The following ZNF343 variants were observed in gnomAD, a reference collection of about 807,000 sequenced individuals.
ZNF343 encodes zinc finger protein 343.
Under a neutral mutation model 13.8 loss-of-function variants are expected in ZNF343, and 11 were observed. The ratio of observed to expected loss-of-function variants is 0.80; its 90% CI spans 0.50 to 1.32. ZNF343 has a LOEUF of 1.32. ZNF343 is among the 40% of genes most tolerant of loss of function. The pLI, the probability that ZNF343 is intolerant of heterozygous loss-of-function variation, is 0.00. For synonymous variants in ZNF343, 248 were observed against 260.0 expected, an observed-to-expected ratio of 0.95 and a Z score of 0.44; for missense variants, 658 against 714.2, an observed-to-expected ratio of 0.92 and a Z score of 0.90.
intron 1 of ZNF343, among the ~76,000 whole-genome samples, chr20:2,502,273 A>C (rs1206392055): frequency 6.6e-6 from 1 of 152,228 alleles, no homozygotes; most frequent in Non-Finnish European, 1.5e-5. Context: ...AAAAGAATAA[A>C]AAGAAACAAA....
chr20:2,517,997 A>G (rs1600084123), intron 1 of ZNF343, among the ~76,000 whole-genome samples: 1 of 149,366 alleles, frequency 6.7e-6, no homozygotes. Context: ...TCAAAGGTTT[A>G]TTTTTTTTTC....
At position 2,484,514 on chromosome 20, in the gene ZNF343, C is replaced by T. The variant is rs1368921432; in HGVS notation, c.447G>A (p.Gly149=). The part of the protein sequence containing the change: ...NHFHPGNSSP[G]HWKQQGQQYS... ...ACTGCTGCCCCTGCTGTTTCCAATG[C>T]CCTGGGCTAGAATTCCCTGGATGGA... Residue 149 remains glycine (G), a synonymous_variant, in exon 6 of 6, where the codon GGG becomes GGA. Coordinates refer to ENST00000278772, the MANE Select transcript of ZNF343 (RefSeq NM_024325.6). 6.2e-7 allele frequency: 1 copy of T among 1,614,230 alleles called. No individual in the cohort carries two copies. The highest frequency in any genetic ancestry group is 1.7e-5 in the Admixed American group (1 of 60,026).
chr20:2,499,232 G>A (rs12481668), intron 2 of ZNF343, among the ~76,000 whole-genome samples: 34,698 of 145,066 alleles, frequency 0.24, 5,089 homozygotes, highest in Non-Finnish European at 0.33. Context: ...TTGGGAGGCC[G>A]AGGTGGGCGG....
chr20:2,522,218 C>T (rs2085785653), intron 1 of ZNF343, among the ~76,000 whole-genome samples: 1 of 152,154 alleles, frequency 6.6e-6, no homozygotes, highest in Non-Finnish European at 1.5e-5. Context: ...TACATGGAGT[C>T]TAATTCCACA....
intron 5 of ZNF343, 97 bp downstream of exon 5, chr20:2,492,602 G>A: frequency 7.0e-7 from 1 of 1,438,722 alleles, no homozygotes; most frequent in Middle Eastern, 1.8e-4. Context: ...GTTTACTAAT[G>A]TGTTGTAAGT....
At chr20:2,516,160 G>A (rs1327574614) in intron 1 of ZNF343, among the ~76,000 whole-genome samples, 1 of 152,054 alleles carries the variant, frequency 6.6e-6, no homozygotes, top group Non-Finnish European at 1.5e-5. Flanking sequence ...GTTCAGGTCG[G>A]AATCAAGGTG....
intron 1 of ZNF343, among the ~76,000 whole-genome samples, chr20:2,517,248 T>C (rs1477339878): frequency 6.6e-6 from 1 of 152,014 alleles, no homozygotes; most frequent in Non-Finnish European, 1.5e-5. Context: ...TCCAGAGAAA[T>C]AGAAGCAACA....
chr20:2,506,646 G>T (rs921572777), intron 1 of ZNF343, among the ~76,000 whole-genome samples: 2 of 152,102 alleles, frequency 1.3e-5, no homozygotes, highest in Non-Finnish European at 2.9e-5. Context: ...TCCTTTGTAG[G>T]GACATGGATG....
At chr20:2,524,243 C>G (rs2085795117) in intron 1 of ZNF343, among the ~76,000 whole-genome samples, 2 of 145,468 alleles carry the variant, frequency 1.4e-5, no homozygotes, top group Admixed American at 1.4e-4. Context: ...CTGGGGAGGT[C>G]GAGGCTGCAG....
intron 1 of ZNF343, among the ~76,000 whole-genome samples, chr20:2,516,350 G>A (rs998739721): frequency 3.9e-5 from 6 of 152,130 alleles, no homozygotes; most frequent in African/African-American, 1.4e-4. Flanking sequence ...TTGTGATTTA[G>A]GGTAAAGGTG....
chr20:2,499,744 C>T (rs996223669), intron 2 of ZNF343, among the ~76,000 whole-genome samples: 16 of 152,150 alleles, frequency 1.1e-4, no homozygotes, highest in Admixed American at 2.0e-4. Flanking sequence ...AGAGCTCCGG[C>T]TGGTGACCAG....
chr20:2,492,567 C>T, intron 5 of ZNF343, 132 bp downstream of exon 5: 1 of 1,031,712 alleles, frequency 9.7e-7, no homozygotes, highest in Non-Finnish European at 1.4e-6. Context: ...AAAGTAAGCC[C>T]CATGGAGGCA....
rs936431920 is a variant in ZNF343, at chr20:2,494,064, T to C, written c.-149-20A>G. 4 of 611,130 alleles carry C rather than the reference T, an allele frequency of 6.5e-6. No homozygotes were observed. The African/African-American group carries it at 7.4e-5, about 11-fold the overall frequency. 37.9% of individuals were successfully genotyped at this position (611,130 alleles called of 1,614,324 possible). A position where few individuals can be genotyped will look rare whatever the true frequency, so the allele number is the denominator to read the frequency against. On this transcript the variant is annotated intron_variant, in intron 2 of 5. Transcript: ENST00000278772. ...CAGGACCTGTGGGATGAAGAAGCAA[T>C]TTGCTATTGCTGGGGCTTTTATTGT... is the stretch of plus-strand genomic sequence containing the variant.
rs2085695955 is a variant in ZNF343, at chr20:2,508,102, G to GA, written c.-237+778dup. On this transcript the variant is annotated intron_variant, in intron 1 of 5. Transcript: ENST00000278772. This position sits in a 1 kb window ranked among gnomAD's most constrained non-coding sequence, Gnocchi z 4.5. Reference sequence around the variant, plus strand: ...ACACCTTGAGACAACAGGTCCCAGAGAAAAGACCTGCCCCCATTCAAAAGA... The same window carrying GA: ...ACACCTTGAGACAACAGGTCCCAGAGAAAAAGACCTGCCCCCATTCAAAAGA... 6.6e-6 allele frequency among the ~76,000 whole-genome samples: 1 copy of GA among 151,962 alleles called. No individual in the cohort carries two copies. Among genetic ancestry groups the GA allele is most frequent in the South Asian group, 2.1e-4 (1 of 4,822 alleles).
In ZNF343 at chr20:2,493,866, T is replaced by A; in HGVS notation, c.30A>T (p.Gly10=). The A allele has an allele frequency of 6.2e-7, 1 of 1,613,824 alleles. No homozygotes were observed. The highest frequency in any genetic ancestry group is 1.7e-5 in the Admixed American group (1 of 60,014). The change falls in exon 3 of 6, where the codon GGA becomes GGT. Residue 10 remains glycine, a synonymous_variant. Transcript: ENST00000278772. The part of the protein sequence containing the change: MMLPYPSAL[G]DQYWEEILLP... ...GCAAAATCTCTTCCCAGTATTGATC[T>A]CCCAGTGCTGAAGGATAAGGCAACA...
intron 1 of ZNF343, among the ~76,000 whole-genome samples, chr20:2,520,482 A>AT (rs1292262546): frequency 3.3e-5 from 5 of 152,110 alleles, no homozygotes; most frequent in African/African-American, 1.2e-4. Context: ...AAAAGAAATA[A>AT]TTTTTTAAAT....
In ZNF343 at chr20:2,482,482, C is replaced by T. The variant is rs143802729; in HGVS notation, c.*679G>A. ...TGGAATGACCTTCTGGAGTTGTCCC[C>T]GTTGAGTCAAGGGTTGGGGCCAGAA... On this transcript the variant is annotated 3_prime_UTR_variant, in exon 6 of 6. Transcript: ENST00000278772. 1.3e-5 allele frequency: 2 copies of T among 152,564 alleles called. No homozygotes were observed. Among genetic ancestry groups the T allele is most frequent in the East Asian group, 1.9e-4 (1 of 5,172 alleles). 9.5% of individuals were successfully genotyped at this position (152,564 alleles called of 1,614,324 possible). A position where few individuals can be genotyped will look rare whatever the true frequency, so the allele number is the denominator to read the frequency against.
intron 1 of ZNF343, among the ~76,000 whole-genome samples, chr20:2,507,502 G>C (rs55865096): frequency 6.6e-6 from 1 of 152,100 alleles, no homozygotes; most frequent in Non-Finnish European, 1.5e-5. Context: ...CTGTATACCA[G>C]AGGCAATTCC....
chr20:2,513,547 C>A (rs2085746998), upstream of ZNF343, among the ~76,000 whole-genome samples: 1 of 152,168 alleles, frequency 6.6e-6, no homozygotes, highest in East Asian at 1.9e-4. Context: ...GTAAAGTGTT[C>A]TATCTGTTGG....
Sources: gnomAD v4.1 joint callset for allele counts (sites outside exome capture counted in the v4.1 genomes callset) on GRCh38, gnomAD v4.1.1 for gene constraint, Gnocchi (gnomAD v3.1) non-coding constraint, MANE v1.5 for transcripts, NCBI Gene and HGNC (gene_info 2026-07-23, HGNC 2026-07-21) for gene names.